Variants in KMT2E observed in about 807,000 individuals in gnomAD.
KMT2E encodes histone reader KMT2E.
Under a neutral mutation model 184.6 loss-of-function variants are expected in KMT2E, and 30 were observed. The observed-to-expected ratio is 0.16, with a 90% CI of 0.12 to 0.22. The LOEUF is 0.22. KMT2E is among the 10% of genes least tolerant of loss of function. KMT2E has a pLI of 1.00. For missense variants in KMT2E, 2,023 were observed against 2,237.4 expected (o/e 0.90, Z 1.93); for synonymous variants, 815 against 776.5 (o/e 1.05, Z -0.82).
At position 105,110,400 on chromosome 7, in the gene KMT2E, G is replaced by T. The variant is rs1799166481; in HGVS notation, c.3844+32G>T. ...GAGCTTGTTCCTTCACCAGAAAGTG[G>T]AATCAGTTAATCACTCTGCATCCTC... On this transcript the variant is annotated intron_variant, in intron 24 of 26. Coordinates refer to ENST00000311117, the MANE Select transcript of KMT2E (RefSeq NM_182931.3). The T allele has an allele frequency of 1.9e-6, 3 of 1,613,814 alleles. No individual in the cohort carries two copies. In the East Asian group the frequency reaches 6.7e-5, roughly 36 times the overall value.
chr7:105,019,141 A>G (rs1393255883), intron 1 of KMT2E, among the ~76,000 whole-genome samples: 1 of 152,178 alleles, frequency 6.6e-6, no homozygotes, highest in Non-Finnish European at 1.5e-5. Context: ...TTAAAAATCA[A>G]ATGAAGGTGA....
At chr7:105,015,076 G>A (rs906420490) in intron 1 of KMT2E, among the ~76,000 whole-genome samples, 1 of 149,584 alleles carries the variant, frequency 6.7e-6, no homozygotes, top group African/African-American at 2.6e-5. Flanking sequence ...GAGCGAGACA[G>A]CTAGCTCCTC....
At chr7:105,085,160 A>C (rs956730714) in intron 13 of KMT2E, among the ~76,000 whole-genome samples, 1 of 134,352 alleles carries the variant, frequency 7.4e-6, no homozygotes, top group African/African-American at 3.5e-5. Flanking sequence ...ATGTATAACT[A>C]TAATGTGCAC....
rs757230886 is a variant in KMT2E at position 105,105,612 on chromosome 7, T to C, written c.2370T>C (p.Tyr790=). 7.4e-6 allele frequency: 12 copies of C among 1,613,418 alleles called. No individual in the cohort carries two copies. Among genetic ancestry groups the C allele is most frequent in the Non-Finnish European group, 1.0e-5 (12 of 1,179,498 alleles). The change falls in exon 18 of 27, where the codon TAT becomes TAC. Residue 790 remains tyrosine (Y), a synonymous_variant. Coordinates refer to ENST00000311117, the MANE Select transcript of KMT2E (RefSeq NM_182931.3). The part of the protein sequence containing the change: ...SPHVYSTPKH[Y]IRFTSPFLSE... ...ATGTATACTCCACTCCTAAGCATTA[T>C]ATTAGATTTACTTCACCATTCCTTT... is the stretch of plus-strand genomic sequence containing the variant.
Position 105,108,424 on chromosome 7 carries a change from A to C in KMT2E, c.3468+499A>C, listed in dbSNP as rs181946123. 87 of 330,868 alleles carry C rather than the reference A, an allele frequency of 2.6e-4. 1 individual carries two copies. Among genetic ancestry groups the C allele is most frequent in the Non-Finnish European group, 4.8e-4 (79 of 165,136 alleles). 20.5% of individuals were successfully genotyped at this position (330,868 alleles called of 1,614,324 possible). A position where few individuals can be genotyped will look rare whatever the true frequency, so the allele number is the denominator to read the frequency against. ...ATTTCCCATTATTTGGTTGGCAGAC[A>C]TACTGAGATAATTAGAATGCCTTAT... On this transcript the variant is annotated intron_variant, in intron 22 of 26. Transcript: ENST00000311117.
At chr7:105,025,732 GATAA>G (rs748526769) in intron 1 of KMT2E, among the ~76,000 whole-genome samples, 1 of 152,126 alleles carries the variant, frequency 6.6e-6, no homozygotes, top group African/African-American at 2.4e-5. Context: ...GTAAACCAAT[GATAA>G]ATGAATGTGA....
chr7:105,090,801 A>C (rs963382037), intron 14 of KMT2E, among the ~76,000 whole-genome samples: 2 of 152,216 alleles, frequency 1.3e-5, no homozygotes, highest in Non-Finnish European at 2.9e-5. Flanking sequence ...GGGATCATTA[A>C]AATGTGAAAA....
At position 105,075,967 on chromosome 7, in the gene KMT2E, A is replaced by G. The variant is rs990299288; in HGVS notation, c.730-76A>G. ...TATGACACTTCAGTTAAAAGTTTCAATGAACCAATTAATTCTTAAATATTA... is the reference window on the plus strand; with the variant it reads ...TATGACACTTCAGTTAAAAGTTTCAGTGAACCAATTAATTCTTAAATATTA... On this transcript the variant is annotated intron_variant, in intron 8 of 26. Transcript: ENST00000311117. The G allele has an allele frequency of 2.3e-5, 27 of 1,184,310 alleles. No individual in the cohort carries two copies. In the Admixed American group the frequency reaches 3.1e-4, roughly 13 times the overall value. The allele number at this position is 1,184,310 out of a possible 1,614,324, so 73.4% of individuals were successfully genotyped here.
chr7:105,030,430 A>C (rs577100812), intron 1 of KMT2E, among the ~76,000 whole-genome samples: 1 of 152,354 alleles, frequency 6.6e-6, no homozygotes, highest in African/African-American at 2.4e-5. Flanking sequence ...CAACAATAGC[A>C]AAAAAGACTT....
In KMT2E at chr7:105,102,076, T is replaced by C. The variant is rs779948953; in HGVS notation, c.2078T>C (p.Ile693Thr). The change falls in exon 17 of 27, where the codon ATT (isoleucine) becomes ACT (threonine). Residue 693 changes from isoleucine (I) to threonine (T), a missense_variant. Ile to Thr is a moderately conservative substitution (Grantham distance 89). Transcript: ENST00000311117. ...GAAGTTACTTCACAACAAAATGATA[T>C]TGAAAATACTGTACTTACAATAGAA... ...DIEVTSQQND[I>T]ENTVLTIEPE... is the part of the protein sequence containing the mutation. 12 of 1,613,738 alleles carry C rather than the reference T, an allele frequency of 7.4e-6. No individual in the cohort carries two copies. The highest frequency in any genetic ancestry group is 2.2e-5 in the East Asian group (1 of 44,882).
intron 6 of KMT2E, among the ~76,000 whole-genome samples, chr7:105,068,180 A>G (rs988862796): frequency 6.6e-6 from 1 of 151,954 alleles, no homozygotes; most frequent in Non-Finnish European, 1.5e-5. Context: ...TTGTATTCCC[A>G]TGATTTCACA....
chr7:105,088,252 C>T (rs1219019694), intron 13 of KMT2E, among the ~76,000 whole-genome samples: 1 of 152,106 alleles, frequency 6.6e-6, no homozygotes, highest in Non-Finnish European at 1.5e-5. Flanking sequence ...ATAATACTCA[C>T]CTAAAGTGCT....
Position 105,101,869 on chromosome 7 carries a change from C to T in KMT2E, c.1888-17C>T. On this transcript the variant is annotated splice_polypyrimidine_tract_variant and intron_variant, in intron 16 of 26. Coordinates refer to ENST00000311117, the MANE Select transcript of KMT2E (RefSeq NM_182931.3). Reference sequence around the variant, plus strand: ...TATGTAGTATAAAAACTTCCATTCGCTTGTATTTTGAATTAGGAACAAGCA... The same window carrying T: ...TATGTAGTATAAAAACTTCCATTCGTTTGTATTTTGAATTAGGAACAAGCA... 2 of 1,583,508 alleles carry T rather than the reference C, an allele frequency of 1.3e-6. No individual in the cohort carries two copies. The highest frequency in any genetic ancestry group is 1.7e-6 in the Non-Finnish European group (2 of 1,164,824).
rs774304398 is a variant in KMT2E at position 105,106,743 on chromosome 7, G to A, written c.2818G>A (p.Gly940Ser). 6.2e-7 allele frequency: 1 copy of A among 1,613,748 alleles called. No individual in the cohort carries two copies. The highest frequency in any genetic ancestry group is 8.5e-7 in the Non-Finnish European group (1 of 1,179,874). The change falls in exon 20 of 27, where the codon GGT becomes AGT. Residue 940 changes from glycine (G) to serine (S), a missense_variant. Physicochemically the swap from Gly to Ser is moderately conservative, Grantham distance 56. Coordinates refer to ENST00000311117, the MANE Select transcript of KMT2E (RefSeq NM_182931.3). ...TTCACCAGTTACCCCAGTAACTCCT[G>A]GTACACCAGGAAATACCATGCACTT... is the stretch of plus-strand genomic sequence containing the variant. ...IYSPVTPVTP[G>S]TPGNTMHFEN...
Position 105,090,263 on chromosome 7 carries a change from C to G in KMT2E, c.1613C>G (p.Ser538Ter). 1 of 1,589,432 alleles carries G rather than the reference C, an allele frequency of 6.3e-7. No homozygotes were observed. The highest frequency in any genetic ancestry group is 2.2e-5 in the East Asian group (1 of 44,718). The change falls in exon 14 of 27, where the codon TCA (serine) becomes TGA (stop). Residue 538 changes from serine to a stop codon, truncating the protein, a stop_gained. Transcript: ENST00000311117. LOFTEE classifies it high-confidence loss of function. ...RKLSPLRLSVSNNQEPDFIDD... is the reference protein window; with the variant it reads ...RKLSPLRLSV ...CTTTCTCCACTGAGACTATCAGTAT[C>G]AAATAATCAGGTACTGAACTCTGCT...
chr7:105,026,495 C>T (rs1795183149), intron 1 of KMT2E, among the ~76,000 whole-genome samples: 1 of 152,160 alleles, frequency 6.6e-6, no homozygotes, highest in African/African-American at 2.4e-5. Context: ...TTAATTTTGT[C>T]TTGTTCATCT....
chr7:105,030,875 G>C (rs974682770), intron 1 of KMT2E, among the ~76,000 whole-genome samples: 6 of 152,194 alleles, frequency 3.9e-5, no homozygotes, highest in African/African-American at 1.4e-4. Context: ...ATAAAATGTA[G>C]ACAGTATCAT....
At chr7:105,029,497 TTAGAAG>T (rs1795314812) in intron 1 of KMT2E, among the ~76,000 whole-genome samples, 1 of 152,184 alleles carries the variant, frequency 6.6e-6, no homozygotes, top group African/African-American at 2.4e-5. Context: ...GACAAATTAC[TTAGAAG>T]TTGATAGTGA....
intron 15 of KMT2E, among the ~76,000 whole-genome samples, chr7:105,097,736 T>C (rs1798472578): frequency 2.0e-5 from 3 of 152,194 alleles, no homozygotes; most frequent in African/African-American, 7.2e-5. Flanking sequence ...GTTAATCAGC[T>C]TTAACTGCCT....
Sources: allele counts gnomAD v4.1 joint callset (sites outside exome capture counted in the v4.1 genomes callset), GRCh38; gene constraint gnomAD v4.1.1; transcripts MANE v1.5; gene names NCBI Gene and HGNC (gene_info 2026-07-23, HGNC 2026-07-21).